The following DEPTOR variants were observed in gnomAD, a reference collection of about 807,000 sequenced individuals.
DEPTOR encodes the protein DEP domain-containing mTOR-interacting protein.
DEPTOR carries 41 observed loss-of-function variants against 41.6 expected under a neutral mutation model. The ratio of observed to expected loss-of-function variants is 0.98; its 90% CI spans 0.77 to 1.28. The LOEUF (loss-of-function observed/expected upper bound fraction) is 1.28, where lower values mean the gene tolerates loss of function less well. DEPTOR is among the 50% of genes most tolerant of loss of function. The pLI is 0.00. For synonymous variants in DEPTOR, 195 were observed against 192.3 expected, an observed-to-expected ratio of 1.01 and a Z score of -0.12; for missense variants, 514 against 527.9, an observed-to-expected ratio of 0.97 and a Z score of 0.26.
chr8:120,023,305 A>G (rs757177557), intron 8 of DEPTOR, among the ~76,000 whole-genome samples: 2 of 152,008 alleles, frequency 1.3e-5, no homozygotes, highest in Non-Finnish European at 2.9e-5. Context: ...CAGTGGCGCA[A>G]TCTTGGCTCA....
At chr8:120,009,161 TTA>T in intron 8 of DEPTOR, 28 bp downstream of exon 8, 3 of 1,596,162 alleles carry the variant, frequency 1.9e-6, no homozygotes, top group Non-Finnish European at 2.6e-6. Context: ...TCACCCTCTT[TTA>T]TATCTGTCTT....
chr8:119,962,813 G>A (rs756540675), intron 3 of DEPTOR, among the ~76,000 whole-genome samples: 2 of 152,182 alleles, frequency 1.3e-5, no homozygotes, highest in Non-Finnish European at 2.9e-5. Flanking sequence ...TAGTGGCAGT[G>A]CCTGAGATGG....
At chr8:120,015,394 C>T (rs79938778) in intron 8 of DEPTOR, among the ~76,000 whole-genome samples, 2,484 of 152,274 alleles carry the variant, frequency 0.016, 38 homozygotes, top group Non-Finnish European at 0.026. Context: ...TGGTCTTAGT[C>T]ATTTTAGGCT....
Position 119,882,783 on chromosome 8 carries a change from C to T in DEPTOR, c.122+8815C>T, listed in dbSNP as rs556994924. 1.5e-3 allele frequency among the ~76,000 whole-genome samples: 234 copies of T among 152,178 alleles called. 1 individual carries two copies. Among genetic ancestry groups the T allele is most frequent in the Middle Eastern group, 3.4e-3 (1 of 294 alleles). On this transcript the variant is annotated intron_variant, in intron 1 of 8. Coordinates refer to ENST00000286234, the MANE Select transcript of DEPTOR (RefSeq NM_022783.4). ...TGGTGGCTCTTAAATGGTTGGTTTC[C>T]ATGAGTTTAGTGATTAGGAAATGAC...
At chr8:119,994,138 GA>G (rs140691940) in intron 4 of DEPTOR, among the ~76,000 whole-genome samples, 40,683 of 146,152 alleles carry the variant, frequency 0.28, 5,857 homozygotes, top group South Asian at 0.42. Flanking sequence ...ACTCCATCTC[GA>G]AAAAAAAAAG....
rs1827205113 is a variant in DEPTOR, at chr8:119,874,301, GCCT to G, written c.122+336_122+338del. 2.0e-5 allele frequency: 7 copies of G among 355,300 alleles called. No homozygotes were observed. In the South Asian group the frequency reaches 2.0e-4, roughly 10 times the overall value. The allele number at this position is 355,300 out of a possible 1,614,324, so 22.0% of individuals were successfully genotyped here. A position where few individuals can be genotyped will look rare whatever the true frequency, so the allele number is the denominator to read the frequency against. On this transcript the variant is annotated intron_variant, in intron 1 of 8. Transcript: ENST00000286234. Reference sequence around the variant, plus strand: ...TTCCCGTGTACCTGGACGCCGCCAGGCCTCCCGGCTGACAGCCTGCGCCTCATC... The same window carrying G: ...TTCCCGTGTACCTGGACGCCGCCAGGCCCGGCTGACAGCCTGCGCCTCATC...
At chr8:119,916,249 G>T (rs571980350) in intron 1 of DEPTOR, among the ~76,000 whole-genome samples, 19 of 147,312 alleles carry the variant, frequency 1.3e-4, no homozygotes, top group African/African-American at 4.6e-4. Flanking sequence ...ACAGGCACAT[G>T]CCACCAGGCT....
intron 8 of DEPTOR, among the ~76,000 whole-genome samples, chr8:120,021,398 C>T (rs1036591786): frequency 3.9e-5 from 6 of 152,006 alleles, no homozygotes; most frequent in East Asian, 1.9e-4. Context: ...AGTGAAATTT[C>T]GTCTCAAAAA....
At chr8:119,931,273 G>A (rs562179727) in intron 3 of DEPTOR, among the ~76,000 whole-genome samples, 1 of 152,058 alleles carries the variant, frequency 6.6e-6, no homozygotes, top group African/African-American at 2.4e-5. Flanking sequence ...GTGGTTGGGG[G>A]TAAGGGTCTG....
intron 1 of DEPTOR, among the ~76,000 whole-genome samples, chr8:119,926,791 T>A (rs1177591913): frequency 6.6e-6 from 1 of 152,202 alleles, no homozygotes; most frequent in South Asian, 2.1e-4. Context: ...TAGTATGACT[T>A]GACTCTTAAG....
chr8:120,043,723 C>A (rs1443613875), intron 8 of DEPTOR, among the ~76,000 whole-genome samples: 1 of 152,050 alleles, frequency 6.6e-6, no homozygotes, highest in Non-Finnish European at 1.5e-5. Context: ...ATAAAGATTG[C>A]ACTGGGGGCC....
intron 4 of DEPTOR, among the ~76,000 whole-genome samples, chr8:119,991,030 TTTTC>T (rs747315642): frequency 0.024 from 1,307 of 53,542 alleles, 19 homozygotes; most frequent in Admixed American, 0.054. Context: ...TCGGGTTTTC[TTTTC>T]TTTCTTTCTT....
At chr8:120,048,032 C>T (rs1198969676) in intron 8 of DEPTOR, among the ~76,000 whole-genome samples, 1 of 136,984 alleles carries the variant, frequency 7.3e-6, no homozygotes, top group Non-Finnish European at 1.6e-5. Context: ...GACTCCATGT[C>T]AAAAAAAAAA....
chr8:119,935,184 G>T (rs1265662750), intron 3 of DEPTOR, among the ~76,000 whole-genome samples: 1 of 152,116 alleles, frequency 6.6e-6, no homozygotes, highest in Non-Finnish European at 1.5e-5. Context: ...TTCGGGAGGG[G>T]CTTACAGCTC....
intron 8 of DEPTOR, among the ~76,000 whole-genome samples, chr8:120,027,441 A>C (rs1812815327): frequency 6.6e-6 from 1 of 151,748 alleles, no homozygotes; most frequent in South Asian, 2.1e-4. Flanking sequence ...TCAGTGGTTC[A>C]CACCTGTAAT....
intron 8 of DEPTOR, among the ~76,000 whole-genome samples, chr8:120,028,325 T>G (rs1327521993): frequency 6.6e-6 from 1 of 151,734 alleles, no homozygotes; most frequent in Non-Finnish European, 1.5e-5. Context: ...CTGGCCTAAA[T>G]GATGTACTTT....
chr8:120,012,912 G>A (rs900744041), intron 8 of DEPTOR, among the ~76,000 whole-genome samples: 5 of 152,054 alleles, frequency 3.3e-5, no homozygotes, highest in South Asian at 2.1e-4. Flanking sequence ...ATCCCAGCAC[G>A]CTGGGAGGCT....
chr8:119,961,935 T>A (rs1204881060), intron 3 of DEPTOR, among the ~76,000 whole-genome samples: 1 of 151,990 alleles, frequency 6.6e-6, no homozygotes, highest in African/African-American at 2.4e-5. Flanking sequence ...TATGGTTCAA[T>A]TTTTAATTTA....
rs35885551 is a variant in DEPTOR, at chr8:119,974,235, TAAAAAAA to T, written c.604+8847_604+8853del. Among the ~76,000 whole-genome samples, 358 of 74,926 alleles carry T rather than the reference TAAAAAAA, an allele frequency of 4.8e-3. 7 individuals are homozygous for T. In the East Asian group the frequency reaches 0.075, roughly 16 times the overall value. 49.2% of individuals were successfully genotyped at this position (74,926 alleles called of 152,430 possible). On this transcript the variant is annotated intron_variant, in intron 4 of 8. Transcript: ENST00000286234. ...GAAACATAGTGAGATCTTGTCTCTT[TAAAAAAA>T]AAAAAAAAAAAAAAAAAAAAAGAGA...
Sources: allele counts gnomAD v4.1 joint callset (sites outside exome capture counted in the v4.1 genomes callset), GRCh38; gene constraint gnomAD v4.1.1; transcripts MANE v1.5; gene names NCBI Gene and HGNC (gene_info 2026-07-23, HGNC 2026-07-21).